Variants in GSE1 observed in about 807,000 individuals in gnomAD.
GSE1 encodes genetic suppressor element 1.
In GSE1, 32 loss-of-function variants were observed where a neutral mutation model predicts 112.6. The ratio of observed to expected loss-of-function variants is 0.28; its 90% CI spans 0.21 to 0.38. GSE1 has a LOEUF of 0.38. GSE1 is among the 10% of genes least tolerant of loss of function. GSE1 has a pLI of 1.00. For synonymous variants in GSE1, 1,115 were observed against 735.6 expected (o/e 1.52, Z -8.35); for missense variants, 2,348 against 1,699.2 (o/e 1.38, Z -6.71).
intron 2 of GSE1, among the ~76,000 whole-genome samples, chr16:85,502,985 G>A (rs933481449): frequency 2.0e-5 from 3 of 152,226 alleles, no homozygotes; most frequent in African/African-American, 4.8e-5. Context: ...GCTGGAGGGC[G>A]ATGAGGGTAA....
exon 1 of GSE1, chr16:85,170,641 G>A (rs1387133872): frequency 5.1e-6 from 5 of 985,386 alleles, no homozygotes; most frequent in Admixed American, 6.1e-5. Context: ...CTACATCTGC[G>A]GGGCCCCGCT....
intron 1 of GSE1, among the ~76,000 whole-genome samples, chr16:85,351,478 G>A (rs546241394): frequency 3.3e-5 from 5 of 152,230 alleles, no homozygotes; most frequent in Non-Finnish European, 5.9e-5. Context: ...CCAGTCCACG[G>A]AGACAGAGAG....
chr16:85,486,748 T>G (rs2050854421), intron 2 of GSE1, among the ~76,000 whole-genome samples: 1 of 152,072 alleles, frequency 6.6e-6, no homozygotes, highest in South Asian at 2.1e-4. Context: ...TCTGTCCTGT[T>G]GCACAGGCTG....
At chr16:85,299,948 A>C (rs1481941686) in intron 1 of GSE1, among the ~76,000 whole-genome samples, 3 of 151,638 alleles carry the variant, frequency 2.0e-5, no homozygotes, top group Non-Finnish European at 4.4e-5. Flanking sequence ...AAAAAAAAAA[A>C]AAACAACCCA....
chr16:85,648,998 C>A (rs1032426926), intron 3 of GSE1, among the ~76,000 whole-genome samples: 1 of 152,090 alleles, frequency 6.6e-6, no homozygotes, highest in Non-Finnish European at 1.5e-5. Context: ...GGGGGTGTCC[C>A]GTTATTTTCT....
At chr16:85,190,120 G>C (rs1261755713) in intron 1 of GSE1, among the ~76,000 whole-genome samples, 2 of 152,206 alleles carry the variant, frequency 1.3e-5, no homozygotes, top group Non-Finnish European at 2.9e-5. Flanking sequence ...TCCCAAGCCT[G>C]ATCTTCTCTC....
At chr16:85,425,355 G>A (rs2048948764) in intron 2 of GSE1, among the ~76,000 whole-genome samples, 2 of 102,382 alleles carry the variant, frequency 2.0e-5, no homozygotes, top group South Asian at 3.3e-4. Context: ...AGGGCCAAGG[G>A]AAAGGGTGGA....
At chr16:85,547,647 G>A (rs1419536892) in intron 2 of GSE1, among the ~76,000 whole-genome samples, 2 of 152,070 alleles carry the variant, frequency 1.3e-5, no homozygotes, top group South Asian at 2.1e-4. Flanking sequence ...TTGGGAGGCC[G>A]GGGAGGGTGT....
In GSE1 at chr16:85,654,327, A is replaced by G; in HGVS notation, c.476A>G (p.Glu159Gly). Residue 159 changes from glutamate to glycine, a missense_variant, in exon 4 of 16, where the codon GAG (glutamate) becomes GGG (glycine). Coordinates refer to ENST00000253458, the MANE Select transcript of GSE1 (RefSeq NM_014615.5). ...GGAGGTCGGGAACGCCTCATTGTGG[A>G]GCCCCCGCTCCCTCAGGAGAAGGCA... ...SSGGRERLIV[E>G]PPLPQEKAGG... 1 of 1,611,304 alleles carries G rather than the reference A, an allele frequency of 6.2e-7. No homozygotes were observed. The highest frequency in any genetic ancestry group is 1.3e-5 in the African/African-American group (1 of 74,878).
At chr16:85,658,794 C>A (rs1483950000) in intron 8 of GSE1, among the ~76,000 whole-genome samples, 3 of 144,276 alleles carry the variant, frequency 2.1e-5, no homozygotes, top group African/African-American at 7.4e-5. Context: ...GCCCTGACTC[C>A]TGTAGGCATC....
chr16:85,599,530 G>T (rs1399600634), intron 1 of GSE1, among the ~76,000 whole-genome samples: 1 of 152,242 alleles, frequency 6.6e-6, no homozygotes, highest in African/African-American at 2.4e-5. Context: ...GTCAACGGAA[G>T]TGGCAGTGGG....
intron 1 of GSE1, among the ~76,000 whole-genome samples, chr16:85,557,806 C>T (rs1397137305): frequency 6.6e-6 from 1 of 150,750 alleles, no homozygotes; most frequent in Non-Finnish European, 1.5e-5. Flanking sequence ...GGAGAGACTC[C>T]TCCTGGAGGA....
chr16:85,521,122 C>T (rs752525627), intron 2 of GSE1, among the ~76,000 whole-genome samples: 3 of 152,210 alleles, frequency 2.0e-5, no homozygotes, highest in Admixed American at 2.0e-4. Context: ...GCTGCACCTC[C>T]GTCTTGACTA....
intron 1 of GSE1, among the ~76,000 whole-genome samples, chr16:85,217,981 A>G (rs2075332234): frequency 6.6e-6 from 1 of 151,848 alleles, no homozygotes; most frequent in Non-Finnish European, 1.5e-5. Context: ...GCCCACTGCA[A>G]CCTCTGCCTC....
At position 85,373,654 on chromosome 16, in the gene GSE1, A is replaced by G. The variant is rs550297593; in HGVS notation, c.2464+16011A>G. 6.6e-6 allele frequency among the ~76,000 whole-genome samples: 1 copy of G among 152,264 alleles called. No individual in the cohort carries two copies. Among genetic ancestry groups the G allele is most frequent in the Admixed American group, 6.5e-5 (1 of 15,308 alleles). On this transcript the variant is annotated intron_variant, in intron 2 of 2. Transcript: ENST00000637419. The surrounding 1 kb of genome is among the most constrained non-coding windows in gnomAD (Gnocchi z 5.1). ...ACAGGTATGCTGGCCACGGCCTGGA[A>G]GAGTCCGCTCAGAGCAGGTGCTCCA...
Position 85,175,159 on chromosome 16 carries a change from G to A in GSE1, c.2283+3352G>A, listed in dbSNP as rs2074435955. Reference sequence around the variant, plus strand: ...GAGAAGAAAGAAAGAAGAGGAGGAGGGTGTCCCCTGCACCTTCTGCTTTGG... The same window carrying A: ...GAGAAGAAAGAAAGAAGAGGAGGAGAGTGTCCCCTGCACCTTCTGCTTTGG... On this transcript the variant is annotated intron_variant, in intron 1 of 2. Transcript: ENST00000637419. 2.0e-5 allele frequency among the ~76,000 whole-genome samples: 3 copies of A among 152,212 alleles called. No individual in the cohort carries two copies. The East Asian group carries it at 5.8e-4, about 29-fold the overall frequency.
At chr16:85,547,026 G>T (rs906589911) in intron 2 of GSE1, among the ~76,000 whole-genome samples, 3 of 152,312 alleles carry the variant, frequency 2.0e-5, no homozygotes, top group Middle Eastern at 6.8e-3. Context: ...GTGGAGTGTG[G>T]ACGTGAGTTT....
intron 2 of GSE1, among the ~76,000 whole-genome samples, chr16:85,487,155 A>C (rs1433497391): frequency 6.6e-6 from 1 of 152,222 alleles, no homozygotes; most frequent in Non-Finnish European, 1.5e-5. Context: ...AAACGGGAGC[A>C]GAAGAGATTG....
intron 8 of GSE1, chr16:85,659,287 C>G (rs578005114): frequency 2.0e-5 from 3 of 152,388 alleles, no homozygotes; most frequent in East Asian, 3.9e-4. Context: ...GCCTCTGCCT[C>G]TTTCTTCCCC....
Sources: allele counts gnomAD v4.1 joint callset (sites outside exome capture counted in the v4.1 genomes callset), GRCh38; gene constraint gnomAD v4.1.1; non-coding constraint Gnocchi (gnomAD v3.1); transcripts MANE v1.5; gene names NCBI Gene and HGNC (gene_info 2026-07-23, HGNC 2026-07-21).